THEM5: variants seen among roughly 807,000 people sequenced by gnomAD.
The protein encoded by THEM5 is acyl-coenzyme A thioesterase THEM5.
In THEM5, 28 loss-of-function variants were observed where a neutral mutation model predicts 24.2. The ratio of observed to expected loss-of-function variants is 1.16; its 90% confidence interval spans 0.86 to 1.59. The LOEUF is 1.59. Ranked by LOEUF, THEM5 falls within the 40% of genes most tolerant of loss-of-function variation. The pLI, the probability that THEM5 is intolerant of heterozygous loss-of-function variation, is 0.00. For synonymous variants in THEM5, 87 were observed against 114.5 expected (o/e 0.76, Z 1.53); for missense variants, 260 against 296.8 (o/e 0.88, Z 0.91).
At position 151,853,440 on chromosome 1, in the gene THEM5, CA is replaced by C; in HGVS notation, c.123+2del. ...TGCCCATCTGGCTGAGCTGGGAACT[CA>C]CCATGGAGTCTGTGGAGGATCCAAA... is the stretch of plus-strand genomic sequence containing the variant. On this transcript the variant is annotated splice_donor_variant, in intron 1 of 5. Coordinates refer to ENST00000368817, the MANE Select transcript of THEM5 (RefSeq NM_182578.4). LOFTEE classifies it high-confidence loss of function. 6.2e-7 allele frequency: 1 copy of C among 1,612,898 alleles called. No individual in the cohort carries two copies. Among genetic ancestry groups the C allele is most frequent in the Non-Finnish European group, 8.5e-7 (1 of 1,179,408 alleles).
Position 151,852,349 on chromosome 1 carries a change from C to T in THEM5, c.234G>A (p.Lys78=), listed in dbSNP as rs747359317. Residue 78 remains lysine, a synonymous_variant, in exon 2 of 6, where the codon AAG becomes AAA. Transcript: ENST00000368817. ...SLYQEFLEKT[K]SSGWIKLPSF... Reference sequence around the variant, plus strand: ...AGGGCAGCTTGATCCAGCCGCTAGACTTAGTCTTCTCCAGAAATTCTTGGT... The same window carrying T: ...AGGGCAGCTTGATCCAGCCGCTAGATTTAGTCTTCTCCAGAAATTCTTGGT... The T allele has an allele frequency of 9.3e-6, 15 of 1,614,048 alleles. No homozygotes were observed. In the East Asian group the frequency reaches 3.1e-4, roughly 34 times the overall value.
chr1:151,849,521 C>T (rs1304926473), intron 3 of THEM5, among the ~76,000 whole-genome samples: 2 of 152,204 alleles, frequency 1.3e-5, no homozygotes, highest in Non-Finnish European at 2.9e-5. Context: ...TCCCACAGCT[C>T]ACTACATGTT....
rs6587625 is a variant in THEM5 at position 151,847,848 on chromosome 1, T to A, written c.590A>T (p.Asp197Val). The change falls in exon 5 of 6, where the codon GAC becomes GTC. Residue 197 changes from aspartate (D) to valine (V), a missense_variant. By Grantham distance (152) the Asp-to-Val change is radical (BLOSUM62 -3). Coordinates refer to ENST00000368817, the MANE Select transcript of THEM5 (RefSeq NM_182578.4). Reference sequence around the variant, plus strand: ...TTCTACGTCCATTACAACCAGAGAGTCCACGGGGATCAAGCTGGGAGACGA... The same window carrying A: ...TTCTACGTCCATTACAACCAGAGAGACCACGGGGATCAAGCTGGGAGACGA... Reference protein sequence around the residue: ...NIRFKNLIPVDSLVVMDVELD... With the variant: ...NIRFKNLIPVVSLVVMDVELD... The A allele has an allele frequency of 6.2e-7, 1 of 1,613,986 alleles. No individual in the cohort carries two copies. Among genetic ancestry groups the A allele is most frequent in the East Asian group, 2.2e-5 (1 of 44,860 alleles).
In THEM5 at chr1:151,852,267, C is replaced by G. The variant is rs370211306; in HGVS notation, c.316G>C (p.Val106Leu). The G allele has an allele frequency of 6.8e-4, 1,103 of 1,613,464 alleles. 18 individuals are homozygous for G. The South Asian group carries it at 0.012, about 17-fold the overall frequency. The change falls in exon 2 of 6, where the codon GTT (valine) becomes CTT (leucine). Residue 106 changes from valine to leucine, a missense_variant. By Grantham distance (32) the Val-to-Leu change is conservative (BLOSUM62 1). Coordinates refer to ENST00000368817, the MANE Select transcript of THEM5 (RefSeq NM_182578.4). ...RGLKLPSGLAVSSDKGDCRIF... is the reference protein window; with the variant it reads ...RGLKLPSGLALSSDKGDCRIF... ...ATGGTCCTGTCCTTACCTGAGGAAACTGCCAGTCCAGATGGGAGCTTGAGT... is the reference window on the plus strand; with the variant it reads ...ATGGTCCTGTCCTTACCTGAGGAAAGTGCCAGTCCAGATGGGAGCTTGAGT...
chr1:151,853,627 CT>C lies in THEM5; in HGVS notation c.-63del, dbSNP rs1445220322. ...GGTCTTGGCTGACTCCCAAGGAGTG[CT>C]TTCAGCTGCACTTGGGGCCGCTTCT... On this transcript the variant is annotated 5_prime_UTR_variant, in exon 1 of 6. Coordinates refer to ENST00000368817, the MANE Select transcript of THEM5 (RefSeq NM_182578.4). The C allele has an allele frequency of 3.3e-6, 5 of 1,516,312 alleles. No homozygotes were observed. The highest frequency in any genetic ancestry group is 4.4e-6 in the Non-Finnish European group (5 of 1,129,988). 93.9% of individuals were successfully genotyped at this position (1,516,312 alleles called of 1,614,324 possible). A position where few individuals can be genotyped will look rare whatever the true frequency, so the allele number is the denominator to read the frequency against.
Position 151,853,627 on chromosome 1 carries a change from C to A in THEM5, c.-62G>T. The A allele has an allele frequency of 6.6e-7, 1 of 1,516,430 alleles. No individual in the cohort carries two copies. Among genetic ancestry groups the A allele is most frequent in the South Asian group, 1.3e-5 (1 of 76,090 alleles). The allele number at this position is 1,516,430 out of a possible 1,614,324, so 93.9% of individuals were successfully genotyped here. A position where few individuals can be genotyped will look rare whatever the true frequency, so the allele number is the denominator to read the frequency against. ...GGTCTTGGCTGACTCCCAAGGAGTG[C>A]TTTCAGCTGCACTTGGGGCCGCTTC... On this transcript the variant is annotated 5_prime_UTR_variant, in exon 1 of 6. Transcript: ENST00000368817.
chr1:151,847,212 G>A lies in THEM5; in HGVS notation c.*159C>T. On this transcript the variant is annotated 3_prime_UTR_variant, in exon 6 of 6. Coordinates refer to ENST00000368817, the MANE Select transcript of THEM5 (RefSeq NM_182578.4). ...TGATGGGTCCCAGGCAGGCAGGGGA[G>A]GCAGGAGGCAGGAGGCAGGCAGGGG... 1 of 947,972 alleles carries A rather than the reference G, an allele frequency of 1.1e-6. No homozygotes were observed. 58.7% of individuals were successfully genotyped at this position (947,972 alleles called of 1,614,324 possible). A position where few individuals can be genotyped will look rare whatever the true frequency, so the allele number is the denominator to read the frequency against.
At chr1:151,852,232 G>A in intron 2 of THEM5, 26 bp downstream of exon 2, 1 of 1,608,152 alleles carries the variant, frequency 6.2e-7, no homozygotes, top group Non-Finnish European at 8.5e-7. Flanking sequence ...CGGCTGGGGT[G>A]TGTGTACTCA....
Position 151,848,245 on chromosome 1 carries a change from GA to G in THEM5, c.511del (p.Ser171LeufsTer14), listed in dbSNP as rs1653003250. On this transcript the variant is annotated frameshift_variant, in exon 4 of 6. Coordinates refer to ENST00000368817, the MANE Select transcript of THEM5 (RefSeq NM_182578.4). LOFTEE classifies it high-confidence loss of function. Reference protein sequence around the residue: ...SLAAMMDETFSKTAFLAGEGL... With the variant: ...SLAAMMDETFXKTAFLAGEGL... ...CTCTCCAGCCAGGAAGGCAGTTTTA[GA>G]AAAGGTCTCGTCCATCATGGCTGCC... The G allele has an allele frequency of 6.2e-7, 1 of 1,614,082 alleles. No individual in the cohort carries two copies. Among genetic ancestry groups the G allele is most frequent in the South Asian group, 1.1e-5 (1 of 91,080 alleles).
Position 151,853,436 on chromosome 1 carries a change from A to G in THEM5, c.123+7T>C. The stretch of plus-strand genomic sequence containing the variant: ...ACACTGCCCATCTGGCTGAGCTGGG[A>G]ACTCACCATGGAGTCTGTGGAGGAT... On this transcript the variant is annotated splice_region_variant and intron_variant, in intron 1 of 5. Transcript: ENST00000368817. 6.2e-7 allele frequency: 1 copy of G among 1,611,694 alleles called. No individual in the cohort carries two copies. Among genetic ancestry groups the G allele is most frequent in the Non-Finnish European group, 8.5e-7 (1 of 1,178,776 alleles).
chr1:151,852,648 A>C (rs1466489434), intron 1 of THEM5, among the ~76,000 whole-genome samples, 189 bp from the exon 2 acceptor site: 2 of 151,660 alleles, frequency 1.3e-5, no homozygotes, highest in Non-Finnish European at 2.9e-5. Flanking sequence ...ACGGGGCATA[A>C]GGATGCTAAA....
Position 151,853,545 on chromosome 1 carries a change from C to T in THEM5, c.21G>A (p.Gln7=), listed in dbSNP as rs753017901. The change falls in exon 1 of 6, where the codon CAG becomes CAA. Residue 7 remains glutamine (Q), a synonymous_variant. Coordinates refer to ENST00000368817, the MANE Select transcript of THEM5 (RefSeq NM_182578.4). The part of the protein sequence containing the change: MIRRCF[Q]VAARLGHHRG... The stretch of plus-strand genomic sequence containing the variant: ...TGTGGTGGCCAAGTCTTGCTGCCAC[C>T]TGGAAGCATCTCCTTATCATGGCCA... The T allele has an allele frequency of 8.1e-6, 13 of 1,612,992 alleles. No homozygotes were observed. The highest frequency in any genetic ancestry group is 1.7e-4 in the Middle Eastern group (1 of 6,052).
At chr1:151,851,706 C>T (rs1285845539) in intron 2 of THEM5, among the ~76,000 whole-genome samples, 1 of 152,106 alleles carries the variant, frequency 6.6e-6, no homozygotes, top group East Asian at 1.9e-4. Context: ...TCCTTCATCA[C>T]TAGGCAGGAA....
At chr1:151,847,994 T>A (rs1652994794) in intron 4 of THEM5, 132 bp from the exon 5 acceptor site, 1 of 1,497,954 alleles carries the variant, frequency 6.7e-7, no homozygotes. Flanking sequence ...GCTCAGGGCC[T>A]TTTTGTCAGC....
chr1:151,849,806 G>A (rs1558180794), intron 3 of THEM5, among the ~76,000 whole-genome samples: 2 of 152,240 alleles, frequency 1.3e-5, no homozygotes, highest in South Asian at 2.1e-4. Context: ...CTTGGCCAAC[G>A]AGTAACTCCT....
intron 3 of THEM5, among the ~76,000 whole-genome samples, chr1:151,850,069 C>T (rs1017986633): frequency 2.6e-5 from 4 of 152,234 alleles, no homozygotes; most frequent in African/African-American, 9.6e-5. Flanking sequence ...GTGGAGGACT[C>T]CTTTGGGATG....
At chr1:151,848,691 C>T (rs1653021215) in intron 3 of THEM5, among the ~76,000 whole-genome samples, 1 of 152,206 alleles carries the variant, frequency 6.6e-6, no homozygotes, top group Admixed American at 6.5e-5. Flanking sequence ...AACTTTTTGA[C>T]TCAGTCTTTG....
Position 151,851,160 on chromosome 1 carries a change from G to T in THEM5, c.357C>A (p.Cys119Ter). The T allele has an allele frequency of 6.2e-7, 1 of 1,614,216 alleles. No homozygotes were observed. The highest frequency in any genetic ancestry group is 8.5e-7 in the Non-Finnish European group (1 of 1,180,030). Residue 119 changes from cysteine to a stop codon, truncating the protein, a stop_gained, in exon 3 of 6, where the codon TGC (cysteine) becomes TGA (stop). Coordinates refer to ENST00000368817, the MANE Select transcript of THEM5 (RefSeq NM_182578.4). LOFTEE classifies it high-confidence loss of function. Reference protein sequence around the residue: ...DKGDCRIFTRCIQVEGQGFEY... With the variant: ...DKGDCRIFTR ...CAAAGCCTTGTCCTTCCACTTGGAT[G>T]CACCTGGTGAAGATGCGACAGTCAC...
In THEM5 at chr1:151,852,429, A is replaced by T. The variant is rs1196692582; in HGVS notation, c.154T>A (p.Leu52Met). Residue 52 changes from leucine to methionine, a missense_variant, in exon 2 of 6, where the codon TTG becomes ATG. By Grantham distance (15) the Leu-to-Met change is conservative (BLOSUM62 2). Transcript: ENST00000368817. ...FSRFLPEKTDLKDYALPNASW... is the reference protein window; with the variant it reads ...FSRFLPEKTDMKDYALPNASW... ...GCATTGGGAAGAGCATAATCCTTCA[A>T]GTCTGTCTTCTCTGGCAAGAATCTT... is the stretch of plus-strand genomic sequence containing the variant. 3 of 1,614,050 alleles carry T rather than the reference A, an allele frequency of 1.9e-6. No individual in the cohort carries two copies. Among genetic ancestry groups the T allele is most frequent in the Non-Finnish European group, 2.5e-6 (3 of 1,180,040 alleles).
Sources: allele counts gnomAD v4.1 joint callset (sites outside exome capture counted in the v4.1 genomes callset), GRCh38; gene constraint gnomAD v4.1.1; transcripts MANE v1.5; gene names NCBI Gene and HGNC (gene_info 2026-07-23, HGNC 2026-07-21).